ANKRD23: variants seen among roughly 807,000 people sequenced by gnomAD.
ANKRD23 encodes the protein ankyrin repeat domain 23, also known as ankyrin repeat domain-containing protein 23.
ANKRD23 carries 52 observed loss-of-function variants against 38.1 expected under a neutral mutation model. The observed-to-expected ratio is 1.36, with a 90% CI of 1.09 to 1.72. The LOEUF is 1.72. Ranked by LOEUF, ANKRD23 falls within the 40% of genes most tolerant of loss-of-function variation. ANKRD23 has a pLI of 0.00. For missense variants in ANKRD23, 416 were observed against 400.2 expected (o/e 1.04, Z -0.34); for synonymous variants, 167 against 162.9 (o/e 1.03, Z -0.19).
In ANKRD23 at chr2:96,839,641, A is replaced by T. The variant is rs1019970684; in HGVS notation, c.826T>A (p.Ser276Thr). 6.6e-7 allele frequency: 1 copy of T among 1,518,262 alleles called. No individual in the cohort carries two copies. The highest frequency in any genetic ancestry group is 1.4e-5 in the African/African-American group (1 of 72,282). The allele number at this position is 1,518,262 out of a possible 1,614,324, so 94.0% of individuals were successfully genotyped here. A position where few individuals can be genotyped will look rare whatever the true frequency, so the allele number is the denominator to read the frequency against. ...CGAGCCAGCTGCACCGGGGTCACGG[A>T]GGCCTGGGAGCAACGGTGTGGGTCA... Reference protein sequence around the residue: ...GAELGVRNAASVTPVQLARDW... With the variant: ...GAELGVRNAATVTPVQLARDW... Residue 276 changes from serine to threonine, a missense_variant, in exon 9 of 9, where the codon TCC becomes ACC. By Grantham distance (58) the Ser-to-Thr change is moderately conservative. Coordinates refer to ENST00000318357, the MANE Select transcript of ANKRD23 (RefSeq NM_144994.8).
Position 96,838,994 on chromosome 2 carries a change from G to T in ANKRD23, c.*555C>A. On this transcript the variant is annotated 3_prime_UTR_variant, in exon 9 of 9. Transcript: ENST00000318357. ...CAGGGTTGCTACTGACAGGAATGGG[G>T]TCCCCAGAGAAAGCCATGCCCACAG... The T allele has an allele frequency of 1.0e-6, 1 of 985,880 alleles. No individual in the cohort carries two copies. The highest frequency in any genetic ancestry group is 1.2e-6 in the Non-Finnish European group (1 of 830,280). The allele number at this position is 985,880 out of a possible 1,614,324, so 61.1% of individuals were successfully genotyped here. A position where few individuals can be genotyped will look rare whatever the true frequency, so the allele number is the denominator to read the frequency against.
At position 96,839,485 on chromosome 2, in the gene ANKRD23, C is replaced by CG. The variant is rs1277106974; in HGVS notation, c.*63dup. On this transcript the variant is annotated 3_prime_UTR_variant, in exon 9 of 9. Coordinates refer to ENST00000318357, the MANE Select transcript of ANKRD23 (RefSeq NM_144994.8). ...GGCAGGAACCACAGAGGTGCAGACG[C>CG]GGGGGCGGGGCACAGGATGGAATGG... 8 of 1,395,578 alleles carry CG rather than the reference C, an allele frequency of 5.7e-6. No homozygotes were observed. The Admixed American group carries it at 2.5e-4, about 44-fold the overall frequency. 86.4% of individuals were successfully genotyped at this position (1,395,578 alleles called of 1,614,324 possible).
Position 96,840,119 on chromosome 2 carries a change from C to T in ANKRD23, c.625-24G>A, listed in dbSNP as rs1300447532. ...ATCTGAGAGCAAGTGGGGGTCAGTG[C>T]TGGGTCTGGATTGGTGAGGCCTCCC... is the stretch of plus-strand genomic sequence containing the variant. On this transcript the variant is annotated intron_variant, in intron 6 of 8. Transcript: ENST00000318357. 3.2e-6 allele frequency: 5 copies of T among 1,550,084 alleles called. No individual in the cohort carries two copies. In the Admixed American group the frequency reaches 7.8e-5, roughly 24 times the overall value.
chr2:96,839,715 G>T lies in ANKRD23; in HGVS notation c.822+12C>A. ...CCCTCGGGTCAGGAGCCAGGGCTGCGCCCACACTCACCGCGTTCCGCACCC... is the reference window on the plus strand; with the variant it reads ...CCCTCGGGTCAGGAGCCAGGGCTGCTCCCACACTCACCGCGTTCCGCACCC... On this transcript the variant is annotated intron_variant, in intron 8 of 8. Transcript: ENST00000318357. 6.2e-7 allele frequency: 1 copy of T among 1,612,216 alleles called. No homozygotes were observed. The highest frequency in any genetic ancestry group is 8.5e-7 in the Non-Finnish European group (1 of 1,179,564).
rs771844708 is a variant in ANKRD23, at chr2:96,840,218, A to G, written c.624+14T>C. ...CGTGTTCCCGACAGGCCCCCAAAGC[A>G]CCGTGCCCCTCACCTTGTCCCGGGC... is the stretch of plus-strand genomic sequence containing the variant. On this transcript the variant is annotated intron_variant, in intron 6 of 8. Coordinates refer to ENST00000318357, the MANE Select transcript of ANKRD23 (RefSeq NM_144994.8). 7 of 1,606,062 alleles carry G rather than the reference A, an allele frequency of 4.4e-6. No individual in the cohort carries two copies. The highest frequency in any genetic ancestry group is 6.0e-6 in the Non-Finnish European group (7 of 1,175,796).
Position 96,840,665 on chromosome 2 carries a change from A to G in ANKRD23, c.426+122T>C, listed in dbSNP as rs2271782. ...TCCCTCTCCTCCGTCTGCAGGTGCC[A>G]CTGGATTCATGCCCATAAGAGTGAA... On this transcript the variant is annotated intron_variant, in intron 4 of 8. Transcript: ENST00000318357. 564 of 1,526,304 alleles carry G rather than the reference A, an allele frequency of 3.7e-4. 5 individuals carry two copies. In the East Asian group the frequency reaches 0.012, roughly 32 times the overall value. 94.5% of individuals were successfully genotyped at this position (1,526,304 alleles called of 1,614,324 possible).
Position 96,839,518 on chromosome 2 carries a change from G to T in ANKRD23, c.*31C>A. Reference sequence around the variant, plus strand: ...GGGCACAGGATGGAATGGTGGCAGTGCGAAAGGCGCGGCGGGGGGCGGTGC... The same window carrying T: ...GGGCACAGGATGGAATGGTGGCAGTTCGAAAGGCGCGGCGGGGGGCGGTGC... On this transcript the variant is annotated 3_prime_UTR_variant, in exon 9 of 9. Coordinates refer to ENST00000318357, the MANE Select transcript of ANKRD23 (RefSeq NM_144994.8). 5 of 1,425,846 alleles carry T rather than the reference G, an allele frequency of 3.5e-6. No homozygotes were observed. The South Asian group carries it at 7.6e-5, about 22-fold the overall frequency. The allele number at this position is 1,425,846 out of a possible 1,614,324, so 88.3% of individuals were successfully genotyped here.
chr2:96,842,527 A>AT lies in ANKRD23; in HGVS notation c.28-17dup, dbSNP rs770477587. 6.8e-6 allele frequency: 11 copies of AT among 1,608,952 alleles called. No individual in the cohort carries two copies. In the African/African-American group the frequency reaches 1.3e-4, roughly 20 times the overall value. ...CTCCACTTACCTGTAGGAACAGGAT[A>AT]TGAGTACTGAGTTGGGAAAATTGGA... On this transcript the variant is annotated splice_polypyrimidine_tract_variant and intron_variant, in intron 1 of 8. Transcript: ENST00000318357.
rs554184995 is a variant in ANKRD23, at chr2:96,839,824, TC to T, written c.724del (p.Glu242LysfsTer18). ...CGAHLNAQDKEGDTALHEAVR... is the reference protein window; with the variant it reads ...CGAHLNAQDKXGDTALHEAVR... ...GGCCTCGTGCAGAGCCGTGTCCCCT[TC>T]CTGCTGAGAACGCAGGCAGTCAAGC... On this transcript the variant is annotated frameshift_variant and splice_region_variant, in exon 8 of 9. Coordinates refer to ENST00000318357, the MANE Select transcript of ANKRD23 (RefSeq NM_144994.8). LOFTEE classifies it high-confidence loss of function. The T allele has an allele frequency of 5.2e-5, 84 of 1,612,204 alleles. No individual in the cohort carries two copies. In the East Asian group the frequency reaches 8.0e-4, roughly 15 times the overall value.
chr2:96,838,022 C>T lies in ANKRD23; in HGVS notation c.*1527G>A, dbSNP rs987201838. On this transcript the variant is annotated 3_prime_UTR_variant, in exon 9 of 9. Transcript: ENST00000318357. ...GATGAGGAGTTGTCTTCTCCATGGTCTTGAACGCCTGCTTCGCCATGGCAC... is the reference window on the plus strand; with the variant it reads ...GATGAGGAGTTGTCTTCTCCATGGTTTTGAACGCCTGCTTCGCCATGGCAC... 5 of 152,338 alleles carry T rather than the reference C, an allele frequency of 3.3e-5. No individual in the cohort carries two copies. The highest frequency in any genetic ancestry group is 2.0e-4 in the Admixed American group (3 of 15,294). The allele number at this position is 152,338 out of a possible 1,614,324, so 9.4% of individuals were successfully genotyped here.
In ANKRD23 at chr2:96,839,981, C is replaced by A. The variant is rs1021687919; in HGVS notation, c.723+16G>T. On this transcript the variant is annotated intron_variant, in intron 7 of 8. Transcript: ENST00000318357. ...TGGAGCTGTCCGAGCCGGAAAAGAC[C>A]AAGCGCCTGCCTTACCTTATCCTGT... The A allele has an allele frequency of 6.4e-7, 1 of 1,552,298 alleles. No individual in the cohort carries two copies. Among genetic ancestry groups the A allele is most frequent in the Admixed American group, 2.0e-5 (1 of 51,042 alleles).
At position 96,840,089 on chromosome 2, in the gene ANKRD23, T is replaced by C. The variant is rs2153358527; in HGVS notation, c.631A>G (p.Ser211Gly). The change falls in exon 7 of 9, where the codon AGC (serine) becomes GGC (glycine). Residue 211 changes from serine (S) to glycine (G), a missense_variant. Physicochemically the swap from Ser to Gly is moderately conservative, Grantham distance 56. Transcript: ENST00000318357. ...CGCACTGCCACGTGCAGGGGGGTGCTCCCGATCTGAGAGCAAGTGGGGGTC... is the reference window on the plus strand; with the variant it reads ...CGCACTGCCACGTGCAGGGGGGTGCCCCCGATCTGAGAGCAAGTGGGGGTC... ...ARVNARDKIG[S>G]TPLHVAVRTR... The C allele has an allele frequency of 1.9e-6, 3 of 1,555,762 alleles. No individual in the cohort carries two copies. The highest frequency in any genetic ancestry group is 2.6e-6 in the Non-Finnish European group (3 of 1,149,024).
Position 96,840,998 on chromosome 2 carries a change from T to C in ANKRD23, c.301-86A>G, listed in dbSNP as rs2079754240. The C allele has an allele frequency of 2.6e-6, 4 of 1,535,730 alleles. No homozygotes were observed. The East Asian group carries it at 9.0e-5, about 35-fold the overall frequency. ...CAGCTTCACCAGTCTGGCCCACGGG[T>C]CCCATGCAGCCCACCAAGGAACACT... On this transcript the variant is annotated intron_variant, in intron 3 of 8. Transcript: ENST00000318357.
At position 96,839,492 on chromosome 2, in the gene ANKRD23, G is replaced by A. The variant is rs1478343329; in HGVS notation, c.*57C>T. The A allele has an allele frequency of 1.0e-5, 14 of 1,395,608 alleles. No individual in the cohort carries two copies. The Admixed American group carries it at 1.3e-4, about 13-fold the overall frequency. 86.5% of individuals were successfully genotyped at this position (1,395,608 alleles called of 1,614,324 possible). Reference sequence around the variant, plus strand: ...ACCACAGAGGTGCAGACGCGGGGGCGGGGCACAGGATGGAATGGTGGCAGT... The same window carrying A: ...ACCACAGAGGTGCAGACGCGGGGGCAGGGCACAGGATGGAATGGTGGCAGT... On this transcript the variant is annotated 3_prime_UTR_variant, in exon 9 of 9. Transcript: ENST00000318357.
chr2:96,842,317 T>A (rs1456876548), intron 2 of ANKRD23, 48 bp downstream of exon 2: 3 of 1,604,820 alleles, frequency 1.9e-6, no homozygotes, highest in Non-Finnish European at 2.6e-6. Context: ...TCAGCCGGCC[T>A]CAGGGATTAG....
intron 4 of ANKRD23, 106 bp from the exon 5 acceptor site, chr2:96,840,620 C>A: frequency 6.6e-7 from 1 of 1,513,516 alleles, no homozygotes; most frequent in South Asian, 1.2e-5. Context: ...TGCCACTTCC[C>A]CCACCACGCG....
chr2:96,840,305 G>A lies in ANKRD23; in HGVS notation c.551C>T (p.Ala184Val), dbSNP rs1183269004. Residue 184 changes from alanine (A) to valine (V), a missense_variant, in exon 6 of 9, where the codon GCC (alanine) becomes GTC (valine). Ala to Val is a moderately conservative substitution (Grantham distance 64, BLOSUM62 0). Coordinates refer to ENST00000318357, the MANE Select transcript of ANKRD23 (RefSeq NM_144994.8). ...GATGACCAGATGTCCTCCGCGGCAGGCCCAGAACACAGGTGTCCTGTCCAG... is the reference window on the plus strand; with the variant it reads ...GATGACCAGATGTCCTCCGCGGCAGACCCAGAACACAGGTGTCCTGTCCAG... ...DLLDRTPVFW[A>V]CRGGHLVILK... The A allele has an allele frequency of 1.1e-5, 18 of 1,608,758 alleles. No individual in the cohort carries two copies. In the Middle Eastern group the frequency reaches 6.6e-4, roughly 59 times the overall value.
intron 1 of ANKRD23, among the ~76,000 whole-genome samples, chr2:96,843,347 G>A (rs2153359031): frequency 6.6e-6 from 1 of 152,066 alleles, no homozygotes. Context: ...CACCCTCCAG[G>A]CCCCTCGTCA....
chr2:96,841,442 A>C (rs934254568), intron 3 of ANKRD23, among the ~76,000 whole-genome samples: 1 of 151,386 alleles, frequency 6.6e-6, no homozygotes, highest in Non-Finnish European at 1.5e-5. Flanking sequence ...TAAAAATACA[A>C]AAAAAAATTA....
Sources: allele counts gnomAD v4.1 joint callset (sites outside exome capture counted in the v4.1 genomes callset), GRCh38; gene constraint gnomAD v4.1.1; transcripts MANE v1.5; gene names NCBI Gene and HGNC (gene_info 2026-07-23, HGNC 2026-07-21).